The following EPB41L2 variants were observed in gnomAD, a reference collection of about 807,000 sequenced individuals.
EPB41L2 encodes erythrocyte membrane protein band 4.1 like 2, also known as band 4.1-like protein 2.
EPB41L2 carries 43 observed loss-of-function variants against 113.0 expected under a neutral mutation model. The observed-to-expected ratio is 0.38, with a 90% CI of 0.30 to 0.49. The LOEUF (loss-of-function observed/expected upper bound fraction) is 0.49. Ranked by LOEUF, EPB41L2 falls within the 20% of genes least tolerant of loss-of-function variation. The pLI is 0.95. For missense variants in EPB41L2, 1,147 were observed against 1,223.4 expected (o/e 0.94, Z 0.93); for synonymous variants, 442 against 436.7 (o/e 1.01, Z -0.15).
intron 1 of EPB41L2, among the ~76,000 whole-genome samples, chr6:130,990,318 C>T (rs1781520362): frequency 6.7e-6 from 1 of 148,742 alleles, no homozygotes; most frequent in African/African-American, 2.5e-5. Flanking sequence ...AAGACTCTGT[C>T]TCAAAAAAAA....
At chr6:130,911,260 CA>C (rs1229179526) in intron 4 of EPB41L2, among the ~76,000 whole-genome samples, 1 of 152,090 alleles carries the variant, frequency 6.6e-6, no homozygotes, top group East Asian at 1.9e-4. Context: ...TCATTCTCAG[CA>C]AACTAACACA....
intron 3 of EPB41L2, among the ~76,000 whole-genome samples, chr6:130,951,688 T>G (rs892458770): frequency 6.6e-6 from 1 of 152,032 alleles, no homozygotes; most frequent in Non-Finnish European, 1.5e-5. Flanking sequence ...TAAGCTGTAG[T>G]ACTGTTTTCA....
At chr6:131,052,125 T>C (rs9402313) in intron 1 of EPB41L2, among the ~76,000 whole-genome samples, 42,015 of 151,662 alleles carry the variant, frequency 0.28, 6,147 homozygotes, top group East Asian at 0.43. Context: ...TTAGTACAGA[T>C]GGGGTTTTGC....
intron 10 of EPB41L2, 34 bp from the exon 11 acceptor site, chr6:130,890,500 G>A: frequency 2.6e-6 from 4 of 1,558,720 alleles, no homozygotes; most frequent in Non-Finnish European, 1.7e-6. Context: ...AAGAGAGAGA[G>A]AAAGGGGAAG....
Position 130,894,328 on chromosome 6 carries a change from G to A in EPB41L2, c.1487+16C>T, listed in dbSNP as rs370523567. 26 of 1,607,666 alleles carry A rather than the reference G, an allele frequency of 1.6e-5. No individual in the cohort carries two copies. Among genetic ancestry groups the A allele is most frequent in the East Asian group, 8.9e-5 (4 of 44,836 alleles). ...TGCGATCATGCCCGGCTTCCGAGCT[G>A]TTTTCCTAAAATTACCTGTAGAAAG... is the stretch of plus-strand genomic sequence containing the variant. On this transcript the variant is annotated intron_variant, in intron 10 of 19. Coordinates refer to ENST00000337057, the MANE Select transcript of EPB41L2 (RefSeq NM_001431.4).
intron 10 of EPB41L2, among the ~76,000 whole-genome samples, chr6:130,890,927 C>T (rs531505849): frequency 8.5e-5 from 13 of 152,318 alleles, no homozygotes; most frequent in African/African-American, 3.1e-4. Context: ...GAAGAACATG[C>T]CACACAGTGG....
At chr6:130,861,385 T>G (rs540743310) in intron 18 of EPB41L2, among the ~76,000 whole-genome samples, 1 of 152,322 alleles carries the variant, frequency 6.6e-6, no homozygotes, top group Non-Finnish European at 1.5e-5. Context: ...AGATTCCTTT[T>G]AACGTAGGCA....
intron 4 of EPB41L2, among the ~76,000 whole-genome samples, chr6:130,914,500 G>A (rs1484175303): frequency 6.7e-6 from 1 of 148,864 alleles, no homozygotes; most frequent in African/African-American, 2.6e-5. Context: ...ACATGTTAAA[G>A]TATTATCCAG....
At chr6:130,995,318 A>G (rs9321266) in intron 1 of EPB41L2, among the ~76,000 whole-genome samples, 79,017 of 151,774 alleles carry the variant, frequency 0.52, 22,829 homozygotes, top group East Asian at 0.82. Flanking sequence ...CTGGGCGACT[A>G]AGCGAGACTC....
chr6:131,018,749 A>G (rs894384595), intron 1 of EPB41L2, among the ~76,000 whole-genome samples: 1 of 152,254 alleles, frequency 6.6e-6, no homozygotes, highest in Non-Finnish European at 1.5e-5. Context: ...TTTTTTTTAT[A>G]TAGACCAATC....
At chr6:130,989,736 G>A (rs1287187888) in intron 1 of EPB41L2, among the ~76,000 whole-genome samples, 1 of 152,230 alleles carries the variant, frequency 6.6e-6, no homozygotes, top group African/African-American at 2.4e-5. Context: ...ACTAGGCCCT[G>A]AGTGAGCTCA....
At chr6:130,964,104 C>A (rs547650557) in intron 1 of EPB41L2, among the ~76,000 whole-genome samples, 12 of 151,948 alleles carry the variant, frequency 7.9e-5, no homozygotes, top group African/African-American at 2.9e-4. Context: ...TCACTGCAAT[C>A]TCCGCCTGCC....
intron 3 of EPB41L2, among the ~76,000 whole-genome samples, chr6:130,929,902 C>T (rs12662154): frequency 0.33 from 49,175 of 148,394 alleles, 10,882 homozygotes; most frequent in African/African-American, 0.61. Context: ...CACACATACA[C>T]GCACAGTCAT....
chr6:131,001,789 T>C (rs1784430040), intron 1 of EPB41L2, among the ~76,000 whole-genome samples: 1 of 152,224 alleles, frequency 6.6e-6, no homozygotes, highest in African/African-American at 2.4e-5. Flanking sequence ...ACTTCCTTTT[T>C]TCCCTGCTCT....
intron 4 of EPB41L2, among the ~76,000 whole-genome samples, chr6:130,915,760 G>C (rs1265178079): frequency 6.6e-6 from 1 of 152,168 alleles, no homozygotes; most frequent in Admixed American, 6.5e-5. Flanking sequence ...TCTCATGATA[G>C]TGAATGGGTC....
At chr6:130,897,202 T>C (rs931797928) in intron 8 of EPB41L2, among the ~76,000 whole-genome samples, 15 of 151,892 alleles carry the variant, frequency 9.9e-5, no homozygotes, top group Non-Finnish European at 1.8e-4. Context: ...AACATGAATA[T>C]GACATTACAA....
intron 1 of EPB41L2, among the ~76,000 whole-genome samples, chr6:131,030,172 C>G (rs1791832072): frequency 6.6e-6 from 1 of 152,282 alleles, no homozygotes; most frequent in South Asian, 2.1e-4. Flanking sequence ...GAGGCAAAGG[C>G]AGTGTGACTG....
intron 1 of EPB41L2, among the ~76,000 whole-genome samples, chr6:131,024,354 G>C (rs1262737237): frequency 2.0e-5 from 3 of 152,118 alleles, no homozygotes; most frequent in Non-Finnish European, 4.4e-5. Context: ...AGAGCTGCCA[G>C]GAAAGAGGTG....
At chr6:130,918,308 A>T (rs1266567589) in intron 4 of EPB41L2, among the ~76,000 whole-genome samples, 2 of 152,188 alleles carry the variant, frequency 1.3e-5, no homozygotes, top group Admixed American at 6.5e-5. Context: ...CATTTCTAAC[A>T]AGCTCCTTTT....
Sources: gnomAD v4.1 joint callset for allele counts (sites outside exome capture counted in the v4.1 genomes callset) on GRCh38, gnomAD v4.1.1 for gene constraint, MANE v1.5 for transcripts, NCBI Gene and HGNC (gene_info 2026-07-23, HGNC 2026-07-21) for gene names.